DENND1A: variants seen among roughly 807,000 people sequenced by gnomAD.
The protein encoded by DENND1A is DENN domain containing 1A.
Under a neutral mutation model 113.7 loss-of-function variants are expected in DENND1A, and 51 were observed. That is an observed-to-expected ratio of 0.45 (90% confidence interval 0.36 to 0.57). DENND1A has a LOEUF of 0.57. Among genes scored for constraint, DENND1A ranks in the 20% least tolerant of loss-of-function variants. The pLI is 0.00. For missense variants in DENND1A, 1,258 were observed against 1,395.9 expected (o/e 0.90, Z 1.57); for synonymous variants, 565 against 570.8 (o/e 0.99, Z 0.14).
At chr9:123,693,412 CA>C (rs2065297931) in intron 5 of DENND1A, among the ~76,000 whole-genome samples, 1 of 152,182 alleles carries the variant, frequency 6.6e-6, no homozygotes, top group African/African-American at 2.4e-5. Flanking sequence ...AGAACACTTC[CA>C]TCACACCCCA....
intron 2 of DENND1A, among the ~76,000 whole-genome samples, chr9:123,851,864 G>A (rs927107492): frequency 6.6e-6 from 1 of 152,188 alleles, no homozygotes; most frequent in Admixed American, 6.5e-5. Context: ...AGCAGGCTGA[G>A]AAACCACTCA....
intron 2 of DENND1A, among the ~76,000 whole-genome samples, chr9:123,801,165 A>G (rs1043414223): frequency 6.6e-6 from 1 of 152,208 alleles, no homozygotes; most frequent in East Asian, 1.9e-4. Context: ...GTAGTAAAAT[A>G]TACATACAAT....
At chr9:123,880,742 A>G (rs758013120) in intron 1 of DENND1A, among the ~76,000 whole-genome samples, 10 of 152,208 alleles carry the variant, frequency 6.6e-5, no homozygotes, top group Non-Finnish European at 1.2e-4. Context: ...GTCTAGAAAC[A>G]TGGCCAGGAC....
chr9:123,648,076 G>A (rs578036004), intron 9 of DENND1A, among the ~76,000 whole-genome samples: 1 of 152,054 alleles, frequency 6.6e-6, no homozygotes, highest in East Asian at 1.9e-4. Flanking sequence ...GTGTTTCACT[G>A]CTGGTTTTGT....
At chr9:123,493,210 C>T (rs1329294820) in intron 13 of DENND1A, 4 of 152,324 alleles carry the variant, frequency 2.6e-5, no homozygotes, top group Non-Finnish European at 5.9e-5. Context: ...ACGGCTTCAT[C>T]CTCAGGAAGC....
chr9:123,856,975 A>T (rs1238455614), intron 2 of DENND1A, among the ~76,000 whole-genome samples: 1 of 152,084 alleles, frequency 6.6e-6, no homozygotes, highest in East Asian at 1.9e-4. Context: ...TGAAATCGGA[A>T]GTACTGGTGT....
At chr9:123,805,402 T>C (rs1422967779) in intron 2 of DENND1A, among the ~76,000 whole-genome samples, 1 of 151,956 alleles carries the variant, frequency 6.6e-6, no homozygotes, top group Non-Finnish European at 1.5e-5. Flanking sequence ...ATTTCATATA[T>C]ACCATATACA....
intron 2 of DENND1A, among the ~76,000 whole-genome samples, chr9:123,870,625 C>T (rs1487860899): frequency 6.6e-6 from 1 of 151,812 alleles, no homozygotes; most frequent in African/African-American, 2.4e-5. Context: ...TTAGTAGAGA[C>T]GGGGTTTCAC....
At chr9:123,567,380 T>G (rs76774390) in intron 12 of DENND1A, among the ~76,000 whole-genome samples, 170 of 152,330 alleles carry the variant, frequency 1.1e-3, no homozygotes, top group Non-Finnish European at 2.1e-3. Flanking sequence ...AAAACTGATA[T>G]GCACTTGCAA....
chr9:123,537,106 G>A (rs143802833), intron 13 of DENND1A, among the ~76,000 whole-genome samples: 7 of 152,012 alleles, frequency 4.6e-5, no homozygotes, highest in Admixed American at 1.3e-4. Flanking sequence ...GTGTCAAAAT[G>A]AGCTAAAGAC....
chr9:123,785,900 T>A (rs543370695), intron 3 of DENND1A, among the ~76,000 whole-genome samples: 1 of 152,162 alleles, frequency 6.6e-6, no homozygotes, highest in Non-Finnish European at 1.5e-5. Flanking sequence ...AACCCAAGAA[T>A]CAACAGTGAC....
chr9:123,588,916 T>C (rs2059329275), intron 11 of DENND1A, among the ~76,000 whole-genome samples: 1 of 151,946 alleles, frequency 6.6e-6, no homozygotes, highest in Admixed American at 6.6e-5. Flanking sequence ...TACAGGCGCA[T>C]GCCACCATAC....
At chr9:123,513,434 C>T (rs2808401) in intron 13 of DENND1A, among the ~76,000 whole-genome samples, 86,671 of 152,182 alleles carry the variant, frequency 0.57, 27,125 homozygotes, top group East Asian at 0.71. Context: ...CCTACAGAAC[C>T]GAGGCACTGG....
chr9:123,721,996 C>G (rs1010042788), intron 5 of DENND1A, among the ~76,000 whole-genome samples: 1 of 152,120 alleles, frequency 6.6e-6, no homozygotes, highest in Non-Finnish European at 1.5e-5. Flanking sequence ...CAGAAGAAGA[C>G]AGGAAAATGT....
In DENND1A at chr9:123,792,576, G is replaced by A. The variant is rs781600814; in HGVS notation, c.132+11C>T. 2.5e-5 allele frequency: 40 copies of A among 1,610,130 alleles called. No homozygotes were observed. In the Admixed American group the frequency reaches 4.5e-4, roughly 18 times the overall value. On this transcript the variant is annotated intron_variant, in intron 3 of 23. Coordinates refer to ENST00000394215, the MANE Select transcript of DENND1A (RefSeq NM_001352964.2). The stretch of plus-strand genomic sequence containing the variant: ...TTTTGTCATGTAAAAAATTAATTAC[G>A]CATTCCGAACCTGGTCACTGTAGTC...
chr9:123,682,844 C>T (rs2064559389), intron 5 of DENND1A, among the ~76,000 whole-genome samples: 1 of 151,916 alleles, frequency 6.6e-6, no homozygotes, highest in Non-Finnish European at 1.5e-5. Flanking sequence ...TTGGGAATCT[C>T]TCTTTGATTC....
Position 123,628,475 on chromosome 9 carries a change from A to G in DENND1A, c.719+1901T>C, listed in dbSNP as rs866060243. ...AGTCCAGCACTCCCTAGAGTCTCCA[A>G]TGGAAGGAGAGAGGCTGGAGACCTG... is the stretch of plus-strand genomic sequence containing the variant. On this transcript the variant is annotated intron_variant, in intron 10 of 23. Coordinates refer to ENST00000394215, the MANE Select transcript of DENND1A (RefSeq NM_001352964.2). Among the ~76,000 whole-genome samples, 9 of 152,052 alleles carry G rather than the reference A, an allele frequency of 5.9e-5. No homozygotes were observed. The South Asian group carries it at 8.3e-4, about 14-fold the overall frequency.
intron 13 of DENND1A, among the ~76,000 whole-genome samples, chr9:123,495,923 C>A (rs115116059): frequency 6.6e-6 from 1 of 152,160 alleles, no homozygotes; most frequent in Admixed American, 6.5e-5. Context: ...TAATGTTGTC[C>A]GCTCAAATCA....
chr9:123,533,551 T>C (rs1386221375), intron 13 of DENND1A, among the ~76,000 whole-genome samples: 1 of 152,220 alleles, frequency 6.6e-6, no homozygotes, highest in Admixed American at 6.5e-5. Flanking sequence ...TCTTGGATTT[T>C]GGAGGTTGGT....
Sources: gnomAD v4.1 joint callset for allele counts (sites outside exome capture counted in the v4.1 genomes callset) on GRCh38, gnomAD v4.1.1 for gene constraint, MANE v1.5 for transcripts, NCBI Gene and HGNC (gene_info 2026-07-23, HGNC 2026-07-21) for gene names.